ANKRD12: variants seen among roughly 807,000 people sequenced by gnomAD.
ANKRD12 encodes ankyrin repeat domain 12.
A neutral mutation model predicts 183.4 loss-of-function variants in ANKRD12; 85 were observed. The observed-to-expected ratio is 0.46, with a 90% CI of 0.39 to 0.56. The LOEUF is 0.56. Among genes scored for constraint, ANKRD12 ranks in the 20% least tolerant of loss-of-function variants. ANKRD12 has a pLI of 0.00. For missense variants in ANKRD12, 2,405 were observed against 2,357.1 expected (o/e 1.02, Z -0.42); for synonymous variants, 914 against 800.2 (o/e 1.14, Z -2.40).
At chr18:9,244,714 G>A (rs1275436739) in intron 8 of ANKRD12, among the ~76,000 whole-genome samples, 7 of 152,106 alleles carry the variant, frequency 4.6e-5, no homozygotes, top group South Asian at 4.1e-4. Context: ...TAAGTATGAC[G>A]CAGGCTAAAA....
At chr18:9,264,011 G>C (rs2039135581) in intron 10 of ANKRD12, 123 bp downstream of exon 10, 1 of 935,358 alleles carries the variant, frequency 1.1e-6, no homozygotes, top group Admixed American at 4.0e-5. Flanking sequence ...GAAGTGATTT[G>C]GTTTTATCTT....
chr18:9,208,618 A>G (rs1304053974), intron 4 of ANKRD12, 39 bp from the exon 5 acceptor site: 53 of 1,567,848 alleles, frequency 3.4e-5, no homozygotes, highest in Non-Finnish European at 4.1e-5. Context: ...GAGTACTTGG[A>G]TTTGTTTCAA....
chr18:9,211,552 A>G, intron 5 of ANKRD12, 32 bp from the exon 6 acceptor site: 1 of 1,583,802 alleles, frequency 6.3e-7, no homozygotes. Context: ...TATTTAGCCT[A>G]GAACTTCTGC....
intron 1 of ANKRD12, among the ~76,000 whole-genome samples, chr18:9,138,518 A>G (rs185425919): frequency 5.9e-4 from 90 of 152,140 alleles, no homozygotes; most frequent in African/African-American, 2.0e-3. Context: ...CGTCGCAAAA[A>G]CATACCAAAA....
At chr18:9,189,771 C>G (rs1038954793) in intron 2 of ANKRD12, among the ~76,000 whole-genome samples, 2 of 152,120 alleles carry the variant, frequency 1.3e-5, no homozygotes, top group African/African-American at 4.8e-5. Context: ...TTGAGACTTA[C>G]TAAGAAAAAA....
At chr18:9,235,712 C>G (rs1476099617) in intron 8 of ANKRD12, 1 of 455,678 alleles carries the variant, frequency 2.2e-6, no homozygotes, top group Non-Finnish European at 4.4e-6. Context: ...ATGCAATCAG[C>G]AAATTCCAGA....
intron 10 of ANKRD12, among the ~76,000 whole-genome samples, chr18:9,265,289 G>C (rs772421487): frequency 1.3e-5 from 2 of 152,204 alleles, no homozygotes; most frequent in African/African-American, 2.4e-5. Flanking sequence ...GGTTCTCCCA[G>C]CACACAGCTG....
At chr18:9,210,985 T>C (rs2035771861) in intron 5 of ANKRD12, among the ~76,000 whole-genome samples, 1 of 152,030 alleles carries the variant, frequency 6.6e-6, no homozygotes, top group Admixed American at 6.6e-5. Flanking sequence ...GAGGAGACTT[T>C]GGGCATCATC....
chr18:9,276,745 A>G (rs2039860367), intron 11 of ANKRD12, among the ~76,000 whole-genome samples: 3 of 152,078 alleles, frequency 2.0e-5, no homozygotes, highest in Admixed American at 1.3e-4. Context: ...TTAAGTCTCC[A>G]ACTTTTATTT....
intron 6 of ANKRD12, 125 bp from the exon 7 acceptor site, chr18:9,216,633 C>T: frequency 1.1e-6 from 1 of 883,956 alleles, no homozygotes; most frequent in Non-Finnish European, 1.7e-6. Context: ...GCTTCTTCAT[C>T]ACTCCTTTTT....
In ANKRD12 at chr18:9,257,959, C is replaced by T. The variant is rs2038737726; in HGVS notation, c.4692C>T (p.Tyr1564=). Reference sequence around the variant, plus strand: ...AAACAGATGCCTTTGTCCCAGTGTACTCTGACAGCACTATTCAAGAAGCAT... The same window carrying T: ...AAACAGATGCCTTTGTCCCAGTGTATTCTGACAGCACTATTCAAGAAGCAT... ...VQKTDAFVPV[Y]SDSTIQEASP... The change falls in exon 9 of 13, where the codon TAC becomes TAT. Residue 1564 remains tyrosine, a synonymous_variant. Coordinates refer to ENST00000262126, the MANE Select transcript of ANKRD12 (RefSeq NM_015208.5). 2.5e-6 allele frequency: 4 copies of T among 1,613,858 alleles called. No individual in the cohort carries two copies. The highest frequency in any genetic ancestry group is 1.3e-5 in the African/African-American group (1 of 74,922).
chr18:9,265,134 G>A (rs531464788), intron 10 of ANKRD12, among the ~76,000 whole-genome samples: 1 of 152,262 alleles, frequency 6.6e-6, no homozygotes, highest in Non-Finnish European at 1.5e-5. Context: ...CAGGAAGCTC[G>A]AAGTGGGTGG....
At position 9,257,636 on chromosome 18, in the gene ANKRD12, A is replaced by G; in HGVS notation, c.4369A>G (p.Lys1457Glu). Reference sequence around the variant, plus strand: ...TCAGAGTTTTTGTAATTCTGAAAATAAGGTATTGAAAGAAAATGCTGATTT... The same window carrying G: ...TCAGAGTTTTTGTAATTCTGAAAATGAGGTATTGAAAGAAAATGCTGATTT... Reference protein sequence around the residue: ...SLQSFCNSENKVLKENADFLS... With the variant: ...SLQSFCNSENEVLKENADFLS... Residue 1457 changes from lysine (K) to glutamate (E), a missense_variant, in exon 9 of 13, where the codon AAG (lysine) becomes GAG (glutamate). Coordinates refer to ENST00000262126, the MANE Select transcript of ANKRD12 (RefSeq NM_015208.5). 6.2e-7 allele frequency: 1 copy of G among 1,613,970 alleles called. No homozygotes were observed. The highest frequency in any genetic ancestry group is 1.3e-5 in the African/African-American group (1 of 75,004).
At chr18:9,274,498 A>G (rs967072236) in intron 10 of ANKRD12, among the ~76,000 whole-genome samples, 3 of 152,194 alleles carry the variant, frequency 2.0e-5, no homozygotes, top group African/African-American at 7.2e-5. Context: ...CAAGATAGGT[A>G]ATTCATAGAG....
At position 9,210,725 on chromosome 18, in the gene ANKRD12, C is replaced by CAAAAAAAA. The variant is rs71168045; in HGVS notation, c.452-852_452-845dup. On this transcript the variant is annotated intron_variant, in intron 5 of 12. Transcript: ENST00000262126. ...TGGGCAACAGAGTGAGACTCTGTCT[C>CAAAAAAAA]AAAAAAAAAAAAAATCCAAAAGATG... Among the ~76,000 whole-genome samples, 34 of 84,590 alleles carry CAAAAAAAA rather than the reference C, an allele frequency of 4.0e-4. 1 individual carries two copies. The South Asian group carries it at 0.018, about 44-fold the overall frequency. 55.5% of individuals were successfully genotyped at this position (84,590 alleles called of 152,430 possible). A position where few individuals can be genotyped will look rare whatever the true frequency, so the allele number is the denominator to read the frequency against.
intron 9 of ANKRD12, among the ~76,000 whole-genome samples, chr18:9,261,080 A>G (rs922838540): frequency 2.6e-5 from 4 of 151,794 alleles, no homozygotes; most frequent in Admixed American, 2.6e-4. Context: ...TTTCGAACCC[A>G]TTTCCTTCAC....
intron 10 of ANKRD12, 121 bp from the exon 11 acceptor site, chr18:9,275,403 G>T (rs1228358339): frequency 5.3e-6 from 4 of 757,082 alleles, no homozygotes; most frequent in Non-Finnish European, 8.1e-6. Flanking sequence ...AACCCAGGAG[G>T]TCAAGGCTGC....
Position 9,255,673 on chromosome 18 carries a change from G to C in ANKRD12, c.2406G>C (p.Val802=). 1.3e-6 allele frequency: 2 copies of C among 1,589,594 alleles called. No homozygotes were observed. Among genetic ancestry groups the C allele is most frequent in the South Asian group, 2.4e-5 (2 of 84,770 alleles). Residue 802 remains valine (V), a synonymous_variant, in exon 9 of 13, where the codon GTG becomes GTC. Transcript: ENST00000262126. ...AGGAATCTATAGGGCTTCATTTAGT[G>C]GAAAAGGAAATAGACATTGAAAAAC... is the stretch of plus-strand genomic sequence containing the variant. ...AIEESIGLHL[V]EKEIDIEKQE...
chr18:9,195,214 A>C (rs1431040551), intron 2 of ANKRD12, among the ~76,000 whole-genome samples: 3 of 152,310 alleles, frequency 2.0e-5, no homozygotes, highest in African/African-American at 7.2e-5. Context: ...GAGGATCAAA[A>C]AACTGCCTAT....
Sources: allele counts gnomAD v4.1 joint callset (sites outside exome capture counted in the v4.1 genomes callset), GRCh38; gene constraint gnomAD v4.1.1; transcripts MANE v1.5; gene names NCBI Gene and HGNC (gene_info 2026-07-23, HGNC 2026-07-21).